EFHC1: variants seen among roughly 807,000 people sequenced by gnomAD.
EFHC1 encodes the protein EF-hand domain-containing protein 1.
Under a neutral mutation model 69.9 loss-of-function variants are expected in EFHC1, and 53 were observed. That is an observed-to-expected ratio of 0.76 (90% confidence interval 0.61 to 0.95). The LOEUF (loss-of-function observed/expected upper bound fraction) is 0.95. EFHC1 is among the 40% of genes least tolerant of loss of function. The pLI is 0.00. For missense variants in EFHC1, 739 were observed against 798.7 expected (o/e 0.93, Z 0.90); for synonymous variants, 256 against 278.4 (o/e 0.92, Z 0.80).
At chr6:52,449,815 C>A (rs936143800) in intron 3 of EFHC1, among the ~76,000 whole-genome samples, 1 of 152,144 alleles carries the variant, frequency 6.6e-6, no homozygotes, top group Non-Finnish European at 1.5e-5. Flanking sequence ...TCCTTCAGTT[C>A]AGCTCTGATT....
chr6:52,423,221 T>TC (rs1216192516), intron 1 of EFHC1, among the ~76,000 whole-genome samples: 1 of 152,130 alleles, frequency 6.6e-6, no homozygotes, highest in African/African-American at 2.4e-5. Flanking sequence ...AAAAATAAAT[T>TC]CATTCCATGT....
intron 1 of EFHC1, 175 bp from the exon 2 acceptor site, chr6:52,423,771 T>C: frequency 6.6e-7 from 1 of 1,508,518 alleles, no homozygotes; most frequent in Non-Finnish European, 8.9e-7. Context: ...CTCCCAGAGT[T>C]CTGGGATTAT....
At chr6:52,486,561 T>C (rs1393125803) in intron 9 of EFHC1, 1 of 152,212 alleles carries the variant, frequency 6.6e-6, no homozygotes, top group Non-Finnish European at 1.5e-5. Context: ...CCCATGAGAA[T>C]TTTCCAAATA....
intron 5 of EFHC1, among the ~76,000 whole-genome samples, chr6:52,457,363 G>T (rs1024490248): frequency 2.6e-5 from 4 of 152,152 alleles, no homozygotes; most frequent in African/African-American, 9.7e-5. Flanking sequence ...ATTTAGAATG[G>T]CAGAGAACAA....
chr6:52,479,863 C>CT (rs1765637391), intron 9 of EFHC1, 76 bp downstream of exon 9: 1 of 1,585,244 alleles, frequency 6.3e-7, no homozygotes, highest in African/African-American at 1.3e-5. Flanking sequence ...AATGAGTAAT[C>CT]ACATTTTAGA....
intron 2 of EFHC1, among the ~76,000 whole-genome samples, chr6:52,433,090 G>C (rs1044054606): frequency 6.6e-6 from 1 of 151,828 alleles, no homozygotes; most frequent in Admixed American, 6.6e-5. Context: ...TTCACTTCTT[G>C]TATCTTTTTT....
At chr6:52,423,657 ATTTTTTTTTTTTT>A (rs59383268) in intron 1 of EFHC1, 6 of 263,444 alleles carry the variant, frequency 2.3e-5, no homozygotes, top group Admixed American at 7.7e-5. Context: ...CACCCAGCTA[ATTTTTTTTTTTTT>A]TTTTTTTTTT....
At chr6:52,433,258 G>C (rs111227944) in intron 2 of EFHC1, among the ~76,000 whole-genome samples, 2,748 of 152,186 alleles carry the variant, frequency 0.018, 93 homozygotes, top group African/African-American at 0.063. Flanking sequence ...ACCTTGTTTT[G>C]TCATATTACC....
At chr6:52,455,938 A>G (rs1428896939) in intron 5 of EFHC1, among the ~76,000 whole-genome samples, 1 of 152,218 alleles carries the variant, frequency 6.6e-6, no homozygotes, top group African/African-American at 2.4e-5. Flanking sequence ...AAGTGGATGG[A>G]TCTTAAAAAC....
At chr6:52,438,256 T>C in intron 2 of EFHC1, 48 bp from the exon 3 acceptor site, 2 of 1,570,238 alleles carry the variant, frequency 1.3e-6, no homozygotes, top group Non-Finnish European at 1.7e-6. Context: ...TTCAGATGAC[T>C]ATGACAAGCT....
At chr6:52,437,973 A>G (rs1192865150) in intron 2 of EFHC1, among the ~76,000 whole-genome samples, 1 of 152,184 alleles carries the variant, frequency 6.6e-6, no homozygotes, top group Non-Finnish European at 1.5e-5. Context: ...AAAAGCGTAA[A>G]TTATTTACAT....
At chr6:52,423,670 T>TC in intron 1 of EFHC1, 2 of 455,420 alleles carry the variant, frequency 4.4e-6, no homozygotes, top group Non-Finnish European at 7.6e-6. Context: ...TTTTTTTTTT[T>TC]TTTTTTTTTT....
intron 8 of EFHC1, 146 bp downstream of exon 8, chr6:52,479,396 GT>G (rs1329241044): frequency 9.5e-7 from 1 of 1,049,644 alleles, no homozygotes; most frequent in African/African-American, 1.6e-5. Context: ...GGTATAATGT[GT>G]TAATCGCCTT....
Position 52,420,469 on chromosome 6 carries a change from C to T in EFHC1, c.59C>T (p.Ser20Phe), listed in dbSNP as rs147882603. ...PFLPGTSFKD[S>F]TKTAFHRSQT... The stretch of plus-strand genomic sequence containing the variant: ...CTTCCGGGCACGTCCTTTAAGGACT[C>T]TACGGTGAGCAGTTATCTGCCAGAC... Residue 20 changes from serine (S) to phenylalanine (F), a missense_variant, in exon 1 of 11, where the codon TCT (serine) becomes TTT (phenylalanine). Physicochemically the swap from Ser to Phe is radical, Grantham distance 155. Transcript: ENST00000371068. The T allele has an allele frequency of 2.4e-5, 39 of 1,614,042 alleles. No individual in the cohort carries two copies. Among genetic ancestry groups the T allele is most frequent in the Non-Finnish European group, 3.2e-5 (38 of 1,180,016 alleles).
chr6:52,494,588 C>G lies in EFHC1; in HGVS notation c.*2247C>G. On this transcript the variant is annotated 3_prime_UTR_variant, in exon 11 of 11. Transcript: ENST00000371068. ...CTCTTTCTCCCAGAGCACCTTTTCT[C>G]TCTTTTTGGATTCAGGGGGTACATG... 2.2e-6 allele frequency: 1 copy of G among 454,126 alleles called. No homozygotes were observed. The highest frequency in any genetic ancestry group is 4.4e-6 in the Non-Finnish European group (1 of 226,788). 28.1% of individuals were successfully genotyped at this position (454,126 alleles called of 1,614,324 possible).
intron 3 of EFHC1, among the ~76,000 whole-genome samples, chr6:52,439,909 G>T (rs565794847): frequency 6.6e-6 from 1 of 152,156 alleles, no homozygotes; most frequent in East Asian, 1.9e-4. Flanking sequence ...TTTCACAATT[G>T]TACCAACAGT....
intron 3 of EFHC1, among the ~76,000 whole-genome samples, chr6:52,445,128 G>A (rs1208326642): frequency 6.6e-6 from 1 of 150,622 alleles, no homozygotes; most frequent in East Asian, 1.9e-4. Context: ...GTATTTCTGT[G>A]GGATCGATGG....
intron 2 of EFHC1, among the ~76,000 whole-genome samples, chr6:52,431,469 C>T (rs574321449): frequency 6.6e-5 from 10 of 152,174 alleles, no homozygotes; most frequent in Non-Finnish European, 1.2e-4. Flanking sequence ...CCAAAGCTCA[C>T]TTAGGAGCAG....
rs1436771482 is a variant in EFHC1 at position 52,479,788 on chromosome 6, G to T, written c.1640+1G>T. On this transcript the variant is annotated splice_donor_variant, in intron 9 of 10. Transcript: ENST00000371068. LOFTEE classifies it high-confidence loss of function. ...AAGCGCCTGCTCCAGAAGCAGAAAG[G>T]TGTGTGTTTGATTGCTAGGGTTTGG... 1.2e-6 allele frequency: 2 copies of T among 1,613,980 alleles called. No homozygotes were observed. The highest frequency in any genetic ancestry group is 1.7e-4 in the Middle Eastern group (1 of 6,060).
Sources: allele counts gnomAD v4.1 joint callset (sites outside exome capture counted in the v4.1 genomes callset), GRCh38; gene constraint gnomAD v4.1.1; transcripts MANE v1.5; gene names NCBI Gene and HGNC (gene_info 2026-07-23, HGNC 2026-07-21).